The following SPTBN2 variants were observed in gnomAD, a reference collection of about 807,000 sequenced individuals.
The protein encoded by SPTBN2 is spectrin beta, non-erythrocytic 2, also known as spectrin beta chain, non-erythrocytic 2.
In SPTBN2, 107 loss-of-function variants were observed where a neutral mutation model predicts 284.2. The observed-to-expected ratio is 0.38, with a 90% CI of 0.32 to 0.44. The LOEUF (loss-of-function observed/expected upper bound fraction) is 0.44. Among genes scored for constraint, SPTBN2 ranks in the 20% least tolerant of loss-of-function variants. The pLI is 1.00. For missense variants in SPTBN2, 2,569 were observed against 3,287.1 expected, an observed-to-expected ratio of 0.78 and a Z score of 5.34; for synonymous variants, 1,289 against 1,354.8, an observed-to-expected ratio of 0.95 and a Z score of 1.07.
intron 3 of SPTBN2, among the ~76,000 whole-genome samples, 154 bp from the exon 4 acceptor site, chr11:66,716,135 G>T (rs1186859210): frequency 1.3e-5 from 2 of 152,178 alleles, no homozygotes; most frequent in Non-Finnish European, 2.9e-5. Context: ...CGGGAGGAAA[G>T]CCCGTAACTT....
chr11:66,706,965 T>G (rs187476321), intron 13 of SPTBN2, among the ~76,000 whole-genome samples: 1 of 152,346 alleles, frequency 6.6e-6, no homozygotes, highest in African/African-American at 2.4e-5. Context: ...CATGTTACTT[T>G]GAATAAAATC....
At position 66,718,423 on chromosome 11, in the gene SPTBN2, A is replaced by C. The variant is rs912655640; in HGVS notation, c.158-2442T>G. On this transcript the variant is annotated intron_variant, in intron 3 of 37. Transcript: ENST00000533211. This position sits in a 1 kb window ranked among gnomAD's most constrained non-coding sequence, Gnocchi z 4.8. ...CTCGCCCAGGCACAGTCGTCCCCAC[A>C]GGGGGCCCCCGGGCCTCACCTTGCA... 6.6e-6 allele frequency among the ~76,000 whole-genome samples: 1 copy of C among 152,164 alleles called. No homozygotes were observed. Among genetic ancestry groups the C allele is most frequent in the African/African-American group, 2.4e-5 (1 of 41,438 alleles).
At chr11:66,686,338 G>A (rs1266070380) in intron 37 of SPTBN2, 60 bp downstream of exon 37, 1 of 1,599,300 alleles carries the variant, frequency 6.3e-7, no homozygotes, top group East Asian at 2.2e-5. Context: ...AAGAAGGGGA[G>A]TCTGCAGCTG....
At position 66,685,564 on chromosome 11, in the gene SPTBN2, G is replaced by T. The variant is rs1246342699; in HGVS notation, c.*307C>A. 2 of 399,718 alleles carry T rather than the reference G, an allele frequency of 5.0e-6. No individual in the cohort carries two copies. The highest frequency in any genetic ancestry group is 9.5e-6 in the Non-Finnish European group (2 of 210,386). 24.8% of individuals were successfully genotyped at this position (399,718 alleles called of 1,614,324 possible). A position where few individuals can be genotyped will look rare whatever the true frequency, so the allele number is the denominator to read the frequency against. ...AGCCACTCCCCACATGGCCTATGTTGAGGGTGCGGCACTGTCCACACCGTG... is the reference window on the plus strand; with the variant it reads ...AGCCACTCCCCACATGGCCTATGTTTAGGGTGCGGCACTGTCCACACCGTG... On this transcript the variant is annotated 3_prime_UTR_variant, in exon 38 of 38. Coordinates refer to ENST00000533211, the MANE Select transcript of SPTBN2 (RefSeq NM_006946.4). This position sits in a 1 kb window ranked among gnomAD's most constrained non-coding sequence, Gnocchi z 4.4.
Position 66,707,421 on chromosome 11 carries a change from A to C in SPTBN2, c.1653+95T>G, listed in dbSNP as rs1012102287. 33 of 1,350,436 alleles carry C rather than the reference A, an allele frequency of 2.4e-5. No individual in the cohort carries two copies. The East Asian group carries it at 4.8e-4, about 19-fold the overall frequency. 83.7% of individuals were successfully genotyped at this position (1,350,436 alleles called of 1,614,324 possible). Reference sequence around the variant, plus strand: ...AGGGCCCTGTGCTGGTTCACACTCCACAGAGATCGGCCGAGCAGACGGGCG... The same window carrying C: ...AGGGCCCTGTGCTGGTTCACACTCCCCAGAGATCGGCCGAGCAGACGGGCG... On this transcript the variant is annotated intron_variant, in intron 13 of 37. Transcript: ENST00000533211. This position sits in a 1 kb window ranked among gnomAD's most constrained non-coding sequence, Gnocchi z 4.9.
intron 1 of SPTBN2, among the ~76,000 whole-genome samples, chr11:66,743,115 G>C (rs540419425): frequency 6.6e-6 from 1 of 152,140 alleles, no homozygotes; most frequent in Non-Finnish European, 1.5e-5. Context: ...CAAGAGACTG[G>C]GGGTGGGGAT....
Position 66,707,721 on chromosome 11 carries a change from G to A in SPTBN2, c.1448C>T (p.Ala483Val). 1.9e-6 allele frequency: 3 copies of A among 1,605,566 alleles called. No homozygotes were observed. Among genetic ancestry groups the A allele is most frequent in the Non-Finnish European group, 1.7e-6 (2 of 1,178,596 alleles). ...CAGCTCTGCAGCCACGGCGTCCACT[G>A]CCTGCACCCGGCCGCTGTAGGCCAC... is the stretch of plus-strand genomic sequence containing the variant. ...DIVAYSGRVQ[A>V]VDAVAAELAA... The change falls in exon 13 of 38, where the codon GCA becomes GTA. Residue 483 changes from alanine (A) to valine (V), a missense_variant. Around this residue, in one of 6 missense-constraint regions of SPTBN2, gnomAD observed 1,012 missense variants for 1,248.9 expected, o/e 0.81. Coordinates refer to ENST00000533211, the MANE Select transcript of SPTBN2 (RefSeq NM_006946.4). The surrounding 1 kb of genome is among the most constrained non-coding windows in gnomAD (Gnocchi z 4.9).
At chr11:66,728,463 A>G (rs1942720146) in intron 1 of SPTBN2, 1 of 149,576 alleles carries the variant, frequency 6.7e-6, no homozygotes, top group Non-Finnish European at 1.5e-5. Flanking sequence ...GACCATCTGG[A>G]GCCGGCGGCC....
rs535980731 is a variant in SPTBN2 at position 66,686,270 on chromosome 11, C to T, written c.6939+128G>A. On this transcript the variant is annotated intron_variant, in intron 37 of 37. Coordinates refer to ENST00000533211, the MANE Select transcript of SPTBN2 (RefSeq NM_006946.4). ...AGGGAGTGCGGCCTGGTGCGGCCGT[C>T]GCACACATCCAGTCTTACCACAAAG... is the stretch of plus-strand genomic sequence containing the variant. 5.4e-5 allele frequency: 77 copies of T among 1,432,196 alleles called. No homozygotes were observed. The African/African-American group carries it at 8.4e-4, about 16-fold the overall frequency. 88.7% of individuals were successfully genotyped at this position (1,432,196 alleles called of 1,614,324 possible).
chr11:66,692,874 C>T (rs761985651), intron 25 of SPTBN2, 96 bp downstream of exon 25: 11 of 1,595,346 alleles, frequency 6.9e-6, no homozygotes, highest in South Asian at 2.2e-5. Flanking sequence ...TAGAAGGCTC[C>T]GTGCACACAG....
At position 66,700,894 on chromosome 11, in the gene SPTBN2, C is replaced by T. The variant is rs1342575947; in HGVS notation, c.3205G>A (p.Asp1069Asn). Residue 1069 changes from aspartate (D) to asparagine (N), a missense_variant, in exon 17 of 38, where the codon GAC becomes AAC. Physicochemically the swap from Asp to Asn is conservative, Grantham distance 23. Coordinates refer to ENST00000533211, the MANE Select transcript of SPTBN2 (RefSeq NM_006946.4). The surrounding 1 kb of genome is among the most constrained non-coding windows in gnomAD (Gnocchi z 6.6). ...ESLGEARRLQ[D>N]FLRSLDDFQA... ...AAGTCATCCAAGCTGCGCAAGAAGT[C>T]CTGCAGCCGCCGCGCCTCCCCCAGC... 1.2e-6 allele frequency: 2 copies of T among 1,600,386 alleles called. No individual in the cohort carries two copies. Among genetic ancestry groups the T allele is most frequent in the Non-Finnish European group, 8.5e-7 (1 of 1,179,796 alleles).
chr11:66,714,469 TG>T, intron 5 of SPTBN2, 62 bp from the exon 6 acceptor site: 2 of 1,391,696 alleles, frequency 1.4e-6, no homozygotes, highest in African/African-American at 1.4e-5. Flanking sequence ...TTATCAGAGA[TG>T]CTCAGATAAA....
chr11:66,736,440 G>A (rs1348467321), intron 1 of SPTBN2, among the ~76,000 whole-genome samples: 2 of 152,146 alleles, frequency 1.3e-5, no homozygotes, highest in African/African-American at 4.8e-5. Context: ...GGGCCCATAT[G>A]AATGATTCAG....
rs1941608425 is a variant in SPTBN2, at chr11:66,707,198, C to T, written c.1653+318G>A. ...CTGGCTCCTGGCACTATTCTGGTCT[C>T]GGCTTAAATGGTATTTTCTCAGAGG... On this transcript the variant is annotated intron_variant, in intron 13 of 37. Transcript: ENST00000533211. This position sits in a 1 kb window ranked among gnomAD's most constrained non-coding sequence, Gnocchi z 4.9. Among the ~76,000 whole-genome samples the T allele has an allele frequency of 6.6e-6, 1 of 152,244 alleles. No individual in the cohort carries two copies. The highest frequency in any genetic ancestry group is 1.5e-5 in the Non-Finnish European group (1 of 68,044).
At chr11:66,731,984 AAGAGAG>A (rs1476378386), upstream of SPTBN2, among the ~76,000 whole-genome samples, 4 of 152,208 alleles carry the variant, frequency 2.6e-5, no homozygotes, top group Non-Finnish European at 5.9e-5. Context: ...TCAGGATGTT[AAGAGAG>A]AACTGAACAG....
intron 1 of SPTBN2, among the ~76,000 whole-genome samples, chr11:66,727,517 A>G (rs1054391114): frequency 2.0e-5 from 3 of 152,208 alleles, no homozygotes; most frequent in African/African-American, 7.2e-5. Context: ...CTTGCTGGGT[A>G]GTTCCGTGCG....
intron 8 of SPTBN2, 118 bp downstream of exon 8, chr11:66,713,513 A>C (rs1941986395): frequency 3.8e-6 from 3 of 791,586 alleles, no homozygotes; most frequent in African/African-American, 3.4e-5. Context: ...CCCACCAAAG[A>C]AGCCCCTGTA....
intron 21 of SPTBN2, among the ~76,000 whole-genome samples, chr11:66,694,618 C>G (rs1940796041): frequency 6.6e-6 from 1 of 152,226 alleles, no homozygotes; most frequent in East Asian, 1.9e-4. Flanking sequence ...ACACCCCAAA[C>G]TTCAGCATCA....
chr11:66,729,726 A>C (rs1942768922), upstream of SPTBN2, among the ~76,000 whole-genome samples: 1 of 152,128 alleles, frequency 6.6e-6, no homozygotes, highest in South Asian at 2.1e-4. Flanking sequence ...CCTAGCTCTG[A>C]TATCTGTGCT....
Sources: allele counts gnomAD v4.1 joint callset (sites outside exome capture counted in the v4.1 genomes callset), GRCh38; gene constraint gnomAD v4.1.1; regional missense constraint gnomAD v4.1.1; non-coding constraint Gnocchi (gnomAD v3.1); transcripts MANE v1.5; gene names NCBI Gene and HGNC (gene_info 2026-07-23, HGNC 2026-07-21).